The following DLG1 variants were observed in gnomAD, a reference collection of about 807,000 sequenced individuals.
DLG1 encodes the protein discs large MAGUK scaffold protein 1, also known as disks large homolog 1.
A neutral mutation model predicts 123.4 loss-of-function variants in DLG1; 42 were observed. That is an observed-to-expected ratio of 0.34 (90% CI 0.27 to 0.44). DLG1 has a LOEUF of 0.44. DLG1 is among the 20% of genes least tolerant of loss of function. The pLI is 1.00. For missense variants in DLG1, 942 were observed against 1,082.6 expected, an observed-to-expected ratio of 0.87 and a Z score of 1.82; for synonymous variants, 317 against 356.2, an observed-to-expected ratio of 0.89 and a Z score of 1.24.
At chr3:197,072,817 C>T (rs1277418982) in intron 18 of DLG1, among the ~76,000 whole-genome samples, 1 of 152,172 alleles carries the variant, frequency 6.6e-6, no homozygotes, top group Non-Finnish European at 1.5e-5. Context: ...CTCAGCCTCC[C>T]TCCCGAGTAG....
At chr3:197,197,038 G>T (rs946531992) in intron 4 of DLG1, among the ~76,000 whole-genome samples, 1 of 152,118 alleles carries the variant, frequency 6.6e-6, no homozygotes, top group Admixed American at 6.5e-5. Flanking sequence ...TTAAAACTAT[G>T]TCTTTTAAGT....
intron 7 of DLG1, among the ~76,000 whole-genome samples, chr3:197,142,036 C>T (rs2149671245): frequency 6.6e-6 from 1 of 152,244 alleles, no homozygotes; most frequent in East Asian, 1.9e-4. Flanking sequence ...AAAATTTGCA[C>T]ATCTGAATTG....
In DLG1 at chr3:197,080,267, C is replaced by CTTTTTT. The variant is rs767056279; in HGVS notation, c.1905+778_1905+783dup. Among the ~76,000 whole-genome samples, 23 of 51,906 alleles carry CTTTTTT rather than the reference C, an allele frequency of 4.4e-4. 2 individuals are homozygous for CTTTTTT. Among genetic ancestry groups the CTTTTTT allele is most frequent in the African/African-American group, 1.8e-3 (21 of 11,986 alleles). The allele number at this position is 51,906 out of a possible 152,430, so 34.1% of individuals were successfully genotyped here. A position where few individuals can be genotyped will look rare whatever the true frequency, so the allele number is the denominator to read the frequency against. On this transcript the variant is annotated intron_variant, in intron 17 of 24. Transcript: ENST00000667157. ...TATGATGAAAGAATTGATATATTTC[C>CTTTTTT]TTTTTTTTTTTTTTTTTTTTTTTTT...
intron 4 of DLG1, among the ~76,000 whole-genome samples, chr3:197,266,285 C>CA (rs1162497608): frequency 6.6e-6 from 1 of 152,046 alleles, no homozygotes; most frequent in Admixed American, 6.6e-5. Flanking sequence ...CCAGAAATGA[C>CA]ACATAATAGA....
intron 4 of DLG1, among the ~76,000 whole-genome samples, chr3:197,249,790 C>T (rs1753492912): frequency 1.3e-5 from 2 of 152,176 alleles, no homozygotes; most frequent in South Asian, 4.1e-4. Flanking sequence ...TGATACATCA[C>T]ATTAACAGAA....
Position 197,090,897 on chromosome 3 carries a change from A to G in DLG1, c.1661+15T>C. On this transcript the variant is annotated intron_variant, in intron 15 of 24. Coordinates refer to ENST00000667157, the MANE Select transcript of DLG1 (RefSeq NM_001366207.1). ...CTAATTAAGATTTGCCATAATTAGAAGTAAAAAAATTTACCTGACATAGAG... is the reference window on the plus strand; with the variant it reads ...CTAATTAAGATTTGCCATAATTAGAGGTAAAAAAATTTACCTGACATAGAG... The G allele has an allele frequency of 6.7e-7, 1 of 1,486,228 alleles. No individual in the cohort carries two copies. Among genetic ancestry groups the G allele is most frequent in the African/African-American group, 1.4e-5 (1 of 72,226 alleles). 92.1% of individuals were successfully genotyped at this position (1,486,228 alleles called of 1,614,324 possible). A position where few individuals can be genotyped will look rare whatever the true frequency, so the allele number is the denominator to read the frequency against.
chr3:197,122,021 A>G (rs1464513892), intron 11 of DLG1, among the ~76,000 whole-genome samples: 1 of 152,050 alleles, frequency 6.6e-6, no homozygotes, highest in African/African-American at 2.4e-5. Context: ...TAACATTCTG[A>G]AACATTACAA....
intron 4 of DLG1, among the ~76,000 whole-genome samples, chr3:197,270,975 G>A (rs1763684105): frequency 6.6e-6 from 1 of 152,120 alleles, no homozygotes; most frequent in Admixed American, 6.5e-5. Flanking sequence ...CAACTGGCAT[G>A]GTCTCTTCAA....
chr3:197,294,372 C>T (rs528661082), intron 3 of DLG1, among the ~76,000 whole-genome samples: 7 of 145,156 alleles, frequency 4.8e-5, no homozygotes, highest in African/African-American at 1.3e-4. Flanking sequence ...CTAGGCCAGA[C>T]GCGGTGGCTC....
chr3:197,255,774 TAAA>T (rs35788077), intron 4 of DLG1, among the ~76,000 whole-genome samples: 5,144 of 149,118 alleles, frequency 0.034, 273 homozygotes, highest in Admixed American at 0.12. Context: ...TGATATGAGT[TAAA>T]AAAAAAAAAA....
intron 7 of DLG1, among the ~76,000 whole-genome samples, chr3:197,141,425 C>A (rs545880681): frequency 6.6e-6 from 1 of 152,256 alleles, no homozygotes; most frequent in East Asian, 1.9e-4. Context: ...AAAGTATGTA[C>A]AGTACATTAA....
chr3:197,104,604 C>T (rs1214788046), intron 14 of DLG1, among the ~76,000 whole-genome samples: 1 of 152,068 alleles, frequency 6.6e-6, no homozygotes, highest in African/African-American at 2.4e-5. Flanking sequence ...ATCACTTGAA[C>T]CTGGGAGGCA....
chr3:197,162,905 T>C (rs1016144132), intron 5 of DLG1, among the ~76,000 whole-genome samples: 2 of 152,128 alleles, frequency 1.3e-5, no homozygotes, highest in African/African-American at 4.8e-5. Flanking sequence ...ACCAAGCAAG[T>C]GAAAAGACAG....
intron 22 of DLG1, 123 bp from the exon 23 acceptor site, chr3:197,060,121 G>A: frequency 1.7e-6 from 1 of 575,888 alleles, no homozygotes; most frequent in Non-Finnish European, 2.9e-6. Context: ...TTCACTTTTA[G>A]TAAACTTGTC....
intron 4 of DLG1, among the ~76,000 whole-genome samples, chr3:197,207,433 C>G (rs190398909): frequency 1.3e-5 from 2 of 151,538 alleles, no homozygotes; most frequent in African/African-American, 4.9e-5. Flanking sequence ...CATCTCCTTC[C>G]TAAGTTTATC....
Position 197,282,794 on chromosome 3 carries a change from T to C in DLG1, c.203A>G (p.Asp68Gly), listed in dbSNP as rs373055195. ...VTLLDNPKCI[D>G]RSKPSEPIQP... ...AATTGGTTCAGACGGCTTTGAACGA[T>C]CTATACATTTTGGATTATCCAGTAA... The change falls in exon 4 of 25, where the codon GAT becomes GGT. Residue 68 changes from aspartate to glycine, a missense_variant. Transcript: ENST00000667157. 2.3e-5 allele frequency: 37 copies of C among 1,607,264 alleles called. No individual in the cohort carries two copies. The Middle Eastern group carries it at 4.9e-4, about 21-fold the overall frequency.
chr3:197,090,307 G>A (rs1270288232), intron 15 of DLG1, among the ~76,000 whole-genome samples: 6 of 145,060 alleles, frequency 4.1e-5, no homozygotes, highest in African/African-American at 5.1e-5. Flanking sequence ...CCAACGAAAT[G>A]AAAAAAAAAA....
intron 4 of DLG1, among the ~76,000 whole-genome samples, chr3:197,232,361 TAAAAAAA>T (rs34360912): frequency 5.3e-4 from 64 of 121,248 alleles, no homozygotes; most frequent in African/African-American, 2.0e-3. Context: ...CCTTGTCTCT[TAAAAAAA>T]AAAAAAAAAA....
chr3:197,183,728 T>C (rs987513296), intron 5 of DLG1: 1 of 1,550,568 alleles, frequency 6.4e-7, no homozygotes, highest in African/African-American at 1.4e-5. Flanking sequence ...TTGGGCCTGC[T>C]GAGCCATGGC....
Sources: allele counts gnomAD v4.1 joint callset (sites outside exome capture counted in the v4.1 genomes callset), GRCh38; gene constraint gnomAD v4.1.1; transcripts MANE v1.5; gene names NCBI Gene and HGNC (gene_info 2026-07-23, HGNC 2026-07-21).